FBXL2: variants seen among roughly 807,000 people sequenced by gnomAD.
FBXL2 encodes F-box/LRR-repeat protein 2.
Under a neutral mutation model 69.2 loss-of-function variants are expected in FBXL2, and 38 were observed. The observed-to-expected ratio is 0.55, with a 90% CI of 0.42 to 0.72. The LOEUF (loss-of-function observed/expected upper bound fraction) is 0.72, where lower values mean the gene tolerates loss of function less well. Ranked by LOEUF, FBXL2 falls within the 30% of genes least tolerant of loss-of-function variation. FBXL2 has a pLI of 0.00. For synonymous variants in FBXL2, 192 were observed against 201.3 expected (o/e 0.95, Z 0.39); for missense variants, 354 against 520.3 (o/e 0.68, Z 3.11).
At chr3:33,299,943 C>T (rs1575118591) in intron 2 of FBXL2, among the ~76,000 whole-genome samples, 1 of 152,250 alleles carries the variant, frequency 6.6e-6, no homozygotes, top group African/African-American at 2.4e-5. Flanking sequence ...TGTCACTATA[C>T]AACTGCACGG....
chr3:33,344,495 G>C (rs553475559), intron 2 of FBXL2, among the ~76,000 whole-genome samples: 249 of 152,154 alleles, frequency 1.6e-3, no homozygotes, highest in African/African-American at 5.7e-3. Context: ...TATAGTAACA[G>C]ATCTATTCAC....
At chr3:33,295,433 C>G (rs2035644666) in intron 1 of FBXL2, among the ~76,000 whole-genome samples, 1 of 152,170 alleles carries the variant, frequency 6.6e-6, no homozygotes, top group Non-Finnish European at 1.5e-5. Context: ...CTTTTTATTG[C>G]TGACTGATAT....
chr3:33,406,523 T>C (rs1208870485), downstream of FBXL2, among the ~76,000 whole-genome samples: 1 of 152,232 alleles, frequency 6.6e-6, no homozygotes, highest in African/African-American at 2.4e-5. Flanking sequence ...TCTAAACTTT[T>C]TGTAATTATT....
intron 1 of FBXL2, among the ~76,000 whole-genome samples, chr3:33,284,734 A>G (rs2034417071): frequency 3.3e-5 from 5 of 152,154 alleles, no homozygotes; most frequent in Admixed American, 3.3e-4. Flanking sequence ...GTGCTCCTGT[A>G]TTGGGTGCAT....
At chr3:33,304,027 A>T (rs532511940) in intron 2 of FBXL2, among the ~76,000 whole-genome samples, 1 of 151,860 alleles carries the variant, frequency 6.6e-6, no homozygotes, top group Non-Finnish European at 1.5e-5. Flanking sequence ...ACTGGAAAAA[A>T]TTTTTTAAAT....
intron 12 of FBXL2, chr3:33,400,384 A>G (rs747611043): frequency 2.4e-5 from 20 of 836,156 alleles, no homozygotes; most frequent in Non-Finnish European, 3.6e-5. Context: ...AAAACACCCA[A>G]AAAGAGCATG....
At chr3:33,366,887 T>C (rs1163826255) in intron 5 of FBXL2, among the ~76,000 whole-genome samples, 1 of 151,920 alleles carries the variant, frequency 6.6e-6, no homozygotes, top group Non-Finnish European at 1.5e-5. Context: ...TGGCCTGAAC[T>C]CGGGAGGTGG....
chr3:33,351,785 G>A (rs923845244), intron 2 of FBXL2, among the ~76,000 whole-genome samples: 4 of 151,974 alleles, frequency 2.6e-5, no homozygotes, highest in African/African-American at 4.8e-5. Flanking sequence ...TCAAGCGGTC[G>A]TATATTTAAG....
At chr3:33,412,482 C>G in the FBXL2 span, among the ~76,000 whole-genome samples, 1 of 151,426 alleles carries the variant, frequency 6.6e-6, no homozygotes, top group African/African-American at 2.4e-5. Context: ...ACTTGGGAGG[C>G]TAAGGCAGGA....
rs1323396819 is a variant in FBXL2 at position 33,373,224 on chromosome 3, G to C, written c.360-36G>C. 2.5e-6 allele frequency: 4 copies of C among 1,612,794 alleles called. No individual in the cohort carries two copies. The South Asian group carries it at 4.4e-5, about 18-fold the overall frequency. On this transcript the variant is annotated intron_variant, in intron 6 of 14. Coordinates refer to ENST00000484457, the MANE Select transcript of FBXL2 (RefSeq NM_012157.5). ...GGGAGAGAGAAGGGAGAGAAACGTG[G>C]TTGAAAATATCTTTAGTGCGTCTGC...
At chr3:33,400,091 CAT>C in intron 12 of FBXL2, 1 of 700,282 alleles carries the variant, frequency 1.4e-6, no homozygotes, top group Middle Eastern at 2.9e-4. Flanking sequence ...ACTTCCTATC[CAT>C]AGTTATTTCA....
At chr3:33,306,207 A>G (rs1157079806) in intron 2 of FBXL2, among the ~76,000 whole-genome samples, 1 of 152,068 alleles carries the variant, frequency 6.6e-6, no homozygotes, top group African/African-American at 2.4e-5. Context: ...TTCAGTTTCA[A>G]ATATTTATCA....
At chr3:33,383,725 C>CA in intron 13 of FBXL2, 1 of 443,386 alleles carries the variant, frequency 2.3e-6, no homozygotes, top group South Asian at 2.3e-5. Flanking sequence ...CAAAGGGCCC[C>CA]AAGGCTTTGT....
At chr3:33,347,674 C>T (rs933984273) in intron 2 of FBXL2, among the ~76,000 whole-genome samples, 3 of 152,076 alleles carry the variant, frequency 2.0e-5, no homozygotes, top group East Asian at 1.9e-4. Context: ...CACATCCTTG[C>T]CAGCATTTGT....
intron 2 of FBXL2, among the ~76,000 whole-genome samples, chr3:33,353,946 G>T (rs549003404): frequency 6.6e-5 from 10 of 152,198 alleles, no homozygotes; most frequent in African/African-American, 2.4e-4. Context: ...GGATGAATAG[G>T]TGAAACATGT....
chr3:33,369,944 A>G (rs1347816923), intron 5 of FBXL2, among the ~76,000 whole-genome samples: 7 of 152,130 alleles, frequency 4.6e-5, no homozygotes, highest in Admixed American at 4.6e-4. Context: ...TAAAAGTTGT[A>G]TACACCCAAG....
intron 12 of FBXL2, among the ~76,000 whole-genome samples, chr3:33,393,631 A>C (rs2043854959): frequency 6.6e-6 from 1 of 152,238 alleles, no homozygotes; most frequent in Admixed American, 6.5e-5. Flanking sequence ...GAAATCTTGA[A>C]CTACCAATCT....
At chr3:33,410,988 G>A in the FBXL2 span, among the ~76,000 whole-genome samples, 1 of 151,468 alleles carries the variant, frequency 6.6e-6, no homozygotes, top group Non-Finnish European at 1.5e-5. Context: ...GATGAGAAGA[G>A]CTTGAATCTG....
At chr3:33,373,778 A>G in intron 8 of FBXL2, 69 bp from the exon 9 acceptor site, 16 of 1,613,222 alleles carry the variant, frequency 9.9e-6, no homozygotes, top group Non-Finnish European at 1.4e-5. Flanking sequence ...CTGCTTTTGC[A>G]TTTTTCTTGG....
Sources: gnomAD v4.1 joint callset for allele counts (sites outside exome capture counted in the v4.1 genomes callset) on GRCh38, gnomAD v4.1.1 for gene constraint, MANE v1.5 for transcripts, NCBI Gene and HGNC (gene_info 2026-07-23, HGNC 2026-07-21) for gene names.